The following MAST4 variants were observed in gnomAD, a reference collection of about 807,000 sequenced individuals.
MAST4 encodes microtubule-associated serine/threonine-protein kinase 4.
MAST4 carries 89 observed loss-of-function variants against 162.7 expected under a neutral mutation model. The observed-to-expected ratio is 0.55, with a 90% CI of 0.46 to 0.65. The LOEUF (loss-of-function observed/expected upper bound fraction) is 0.65, where lower values mean the gene tolerates loss of function less well. Among genes scored for constraint, MAST4 ranks in the 30% least tolerant of loss-of-function variants. MAST4 has a pLI of 0.00. For missense variants in MAST4, 3,153 were observed against 3,374.0 expected (o/e 0.93, Z 1.62); for synonymous variants, 1,479 against 1,361.1 (o/e 1.09, Z -1.91).
chr5:66,704,492 CTTTT>C (rs1172510331), intron 1 of MAST4, among the ~76,000 whole-genome samples: 1 of 97,354 alleles, frequency 1.0e-5, no homozygotes, highest in Non-Finnish European at 1.9e-5. Context: ...GCTTGTTGTT[CTTTT>C]TTTTTTTTTT....
chr5:66,646,077 C>T (rs1403315754), intron 1 of MAST4, among the ~76,000 whole-genome samples: 1 of 152,040 alleles, frequency 6.6e-6, no homozygotes, highest in Non-Finnish European at 1.5e-5. Flanking sequence ...GGGCATTTGC[C>T]AATAATTGAA....
chr5:66,761,765 C>T (rs886244255), intron 2 of MAST4, among the ~76,000 whole-genome samples: 4 of 152,048 alleles, frequency 2.6e-5, no homozygotes, highest in African/African-American at 7.2e-5. Flanking sequence ...AAATCTTTTC[C>T]CTTGAGTTTA....
chr5:66,854,916 A>T (rs114370049), intron 3 of MAST4, among the ~76,000 whole-genome samples: 2,271 of 152,168 alleles, frequency 0.015, 54 homozygotes, highest in African/African-American at 0.051. Flanking sequence ...CCGCCTTGAC[A>T]TTACCCATTG....
chr5:67,133,211 C>A (rs1275485811), intron 16 of MAST4, among the ~76,000 whole-genome samples: 1 of 151,318 alleles, frequency 6.6e-6, no homozygotes, highest in Non-Finnish European at 1.5e-5. Context: ...GGAAAGGGAT[C>A]AGAGTTTCAT....
chr5:66,752,800 A>T (rs558696277), intron 1 of MAST4, among the ~76,000 whole-genome samples: 1 of 151,454 alleles, frequency 6.6e-6, no homozygotes, highest in African/African-American at 2.4e-5. Flanking sequence ...CGGACCTAAT[A>T]GACATCTACA....
Position 67,049,029 on chromosome 5 carries a change from A to ATATATACACG in MAST4, c.675-5369_675-5368insCACGTATATA, listed in dbSNP as rs1205659649. On this transcript the variant is annotated intron_variant, in intron 4 of 28. Coordinates refer to ENST00000403625, the MANE Select transcript of MAST4 (RefSeq NM_001164664.2). ...CACACATATATATATATACGTATAT[A>ATATATACACG]TATATATATATACGTGTATATATAT... 2.8e-3 allele frequency among the ~76,000 whole-genome samples: 326 copies of ATATATACACG among 115,248 alleles called. 4 individuals carry two copies. Among genetic ancestry groups the ATATATACACG allele is most frequent in the Non-Finnish European group, 5.2e-3 (287 of 55,412 alleles). The allele number at this position is 115,248 out of a possible 152,430, so 75.6% of individuals were successfully genotyped here.
intron 11 of MAST4, among the ~76,000 whole-genome samples, chr5:67,111,650 A>G (rs1287658582): frequency 1.3e-5 from 2 of 152,160 alleles, no homozygotes; most frequent in African/African-American, 4.8e-5. Flanking sequence ...TATGGACCAC[A>G]TGTTTGTACT....
intron 4 of MAST4, among the ~76,000 whole-genome samples, chr5:67,030,935 G>T (rs1049199023): frequency 2.6e-5 from 4 of 152,046 alleles, no homozygotes; most frequent in African/African-American, 4.8e-5. Context: ...CTGTAGCTTT[G>T]GCTGGTATTT....
At chr5:66,760,437 G>A (rs1226867346) in intron 2 of MAST4, among the ~76,000 whole-genome samples, 1 of 152,036 alleles carries the variant, frequency 6.6e-6, no homozygotes, top group African/African-American at 2.4e-5. Flanking sequence ...TTAAGTTTAT[G>A]TTTGGATGGA....
chr5:66,643,096 C>T lies in MAST4; in HGVS notation c.363+46078C>T, dbSNP rs1000217242. On this transcript the variant is annotated intron_variant, in intron 1 of 28. Coordinates refer to ENST00000403625, the MANE Select transcript of MAST4 (RefSeq NM_001164664.2). ...TGGCTGACACGCTCAGATCTGTATT[C>T]TAGGGTAGAAATGTTTTTTGCTTGT... Among the ~76,000 whole-genome samples, 4 of 152,034 alleles carry T rather than the reference C, an allele frequency of 2.6e-5. 1 individual carries two copies. The highest frequency in any genetic ancestry group is 2.6e-4 in the Admixed American group (4 of 15,264).
intron 3 of MAST4, among the ~76,000 whole-genome samples, chr5:66,832,566 T>C (rs1406911538): frequency 6.6e-6 from 1 of 152,238 alleles, no homozygotes; most frequent in East Asian, 1.9e-4. Flanking sequence ...TAGATTCTTA[T>C]GTTCTAACTG....
intron 4 of MAST4, among the ~76,000 whole-genome samples, chr5:67,006,858 G>T (rs943042844): frequency 2.0e-5 from 3 of 152,092 alleles, no homozygotes; most frequent in Admixed American, 2.0e-4. Context: ...AGAGCATTGG[G>T]TGGGCTGTTT....
At chr5:66,895,177 T>C (rs976658352) in intron 3 of MAST4, among the ~76,000 whole-genome samples, 3 of 152,212 alleles carry the variant, frequency 2.0e-5, no homozygotes, top group African/African-American at 7.2e-5. Flanking sequence ...GATTGTTTAC[T>C]TGTCAGTCTC....
chr5:67,089,708 C>T (rs895156101), intron 5 of MAST4, among the ~76,000 whole-genome samples: 1 of 152,180 alleles, frequency 6.6e-6, no homozygotes, highest in Non-Finnish European at 1.5e-5. Context: ...AACTCAGACT[C>T]TTATTCATTC....
intron 3 of MAST4, among the ~76,000 whole-genome samples, chr5:66,873,797 ACTG>A (rs1761105550): frequency 6.6e-6 from 1 of 152,168 alleles, no homozygotes. Context: ...GAGATTTTCG[ACTG>A]CTATTTCTCA....
intron 3 of MAST4, among the ~76,000 whole-genome samples, chr5:66,802,326 G>T (rs1755961259): frequency 6.6e-6 from 1 of 152,110 alleles, no homozygotes; most frequent in Non-Finnish European, 1.5e-5. Flanking sequence ...GCTATTAAGT[G>T]AGCTGAGAAC....
chr5:66,786,004 G>A (rs933909839), intron 2 of MAST4, among the ~76,000 whole-genome samples: 1 of 152,044 alleles, frequency 6.6e-6, no homozygotes, highest in Non-Finnish European at 1.5e-5. Flanking sequence ...GAGTAGCTGG[G>A]ACCACAGATG....
chr5:66,901,163 C>A (rs1041919726), intron 4 of MAST4, among the ~76,000 whole-genome samples: 1 of 152,194 alleles, frequency 6.6e-6, no homozygotes, highest in South Asian at 2.1e-4. Context: ...TAGAAAACTA[C>A]ATGAAATACT....
chr5:67,063,401 C>T (rs987959477), intron 5 of MAST4, among the ~76,000 whole-genome samples: 3 of 152,194 alleles, frequency 2.0e-5, no homozygotes, highest in African/African-American at 7.2e-5. Context: ...CTTCATTTAT[C>T]ATTTTGGCCC....
Sources: gnomAD v4.1 joint callset for allele counts (sites outside exome capture counted in the v4.1 genomes callset) on GRCh38, gnomAD v4.1.1 for gene constraint, MANE v1.5 for transcripts, NCBI Gene and HGNC (gene_info 2026-07-23, HGNC 2026-07-21) for gene names.